The following MACF1 variants were observed in gnomAD, a reference collection of about 807,000 sequenced individuals.
MACF1 encodes the protein microtubule-actin cross-linking factor 1.
A neutral mutation model predicts 854.8 loss-of-function variants in MACF1; 193 were observed. The ratio of observed to expected loss-of-function variants is 0.23; its 90% CI spans 0.20 to 0.25. The LOEUF (loss-of-function observed/expected upper bound fraction) is 0.25. Ranked by LOEUF, MACF1 falls within the 10% of genes least tolerant of loss-of-function variation. The probability of loss-of-function intolerance (pLI) is 1.00; values close to 1 mark genes in which losing one functional copy is unlikely to be tolerated. For missense variants in MACF1, 7,722 were observed against 8,929.1 expected (o/e 0.86, Z 5.45); for synonymous variants, 3,185 against 3,226.7 (o/e 0.99, Z 0.44).
chr1:39,124,370 T>C (rs1342192067), intron 2 of MACF1, among the ~76,000 whole-genome samples: 2 of 152,120 alleles, frequency 1.3e-5, no homozygotes, highest in African/African-American at 2.4e-5. Context: ...GTTTCTCATA[T>C]GTGTAATAGG....
intron 15 of MACF1, among the ~76,000 whole-genome samples, chr1:39,288,089 T>C (rs1645682289): frequency 6.6e-6 from 1 of 152,226 alleles, no homozygotes; most frequent in Non-Finnish European, 1.5e-5. Context: ...GATATTTTGA[T>C]ACAGGCATGT....
intron 2 of MACF1, among the ~76,000 whole-genome samples, chr1:39,085,751 A>C (rs59102092): frequency 0.16 from 23,963 of 152,084 alleles, 2,054 homozygotes; most frequent in East Asian, 0.29. Context: ...TTGCCTGTGG[A>C]ATCAAGGCTT....
chr1:39,415,863 G>A (rs1294700362), intron 58 of MACF1, among the ~76,000 whole-genome samples: 1 of 152,174 alleles, frequency 6.6e-6, no homozygotes, highest in Admixed American at 6.5e-5. Flanking sequence ...TGAGTGAGAA[G>A]ATTGTTTTGA....
chr1:39,350,949 A>G lies in MACF1; in HGVS notation c.11130A>G (p.Glu3710=). The G allele has an allele frequency of 2.5e-6, 4 of 1,614,168 alleles. No individual in the cohort carries two copies. Among genetic ancestry groups the G allele is most frequent in the Non-Finnish European group, 3.4e-6 (4 of 1,179,998 alleles). The part of the protein sequence containing the change: ...QAKEQYEALQ[E]ETRVAQKELE... The stretch of plus-strand genomic sequence containing the variant: ...AGGAGCAATATGAGGCGCTCCAGGA[A>G]GAGACACGTGTGGCCCAGAAGGAAC... The change falls in exon 43 of 101, where the codon GAA becomes GAG. Residue 3710 remains glutamate, a synonymous_variant. Coordinates refer to ENST00000564288, the MANE Select transcript of MACF1 (RefSeq NM_001394062.1).
chr1:39,093,841 G>A (rs1641872453), intron 2 of MACF1, among the ~76,000 whole-genome samples: 1 of 151,710 alleles, frequency 6.6e-6, no homozygotes, highest in South Asian at 2.1e-4. Context: ...AGGCTGGAGT[G>A]CAGTGGTGTG....
chr1:39,275,152 C>T (rs1489787938), intron 6 of MACF1, among the ~76,000 whole-genome samples: 1 of 150,738 alleles, frequency 6.6e-6, no homozygotes, highest in Non-Finnish European at 1.5e-5. Flanking sequence ...GATCTCGGCT[C>T]GCTGCAAGTT....
rs770788461 is a variant in MACF1, at chr1:39,282,192, T to G, written c.529-16T>G. On this transcript the variant is annotated splice_polypyrimidine_tract_variant and intron_variant, in intron 6 of 100. Transcript: ENST00000564288. The stretch of plus-strand genomic sequence containing the variant: ...CTTATTTATAATGAATTATTCTGTG[T>G]CCCATCTTTTGGCAGATCTCTGACA... 6.2e-7 allele frequency: 1 copy of G among 1,612,456 alleles called. No homozygotes were observed. The highest frequency in any genetic ancestry group is 8.5e-7 in the Non-Finnish European group (1 of 1,178,964).
Position 39,451,181 on chromosome 1 carries a change from C to T in MACF1, c.20388C>T (p.Asp6796=), listed in dbSNP as rs1177553169. 3 of 1,613,952 alleles carry T rather than the reference C, an allele frequency of 1.9e-6. No homozygotes were observed. The highest frequency in any genetic ancestry group is 1.3e-5 in the African/African-American group (1 of 74,888). The change falls in exon 85 of 101, where the codon GAC becomes GAT. Residue 6796 remains aspartate, a synonymous_variant. Coordinates refer to ENST00000564288, the MANE Select transcript of MACF1 (RefSeq NM_001394062.1). ...ACCAGCCCGTGCACGGGGACCTTGA[C>T]CTCGTCATGAACCTCATGGATGCAC... The part of the protein sequence containing the change: ...AEDQPVHGDL[D]LVMNLMDAHK...
intron 56 of MACF1, among the ~76,000 whole-genome samples, chr1:39,384,651 A>C (rs1427358802): frequency 6.6e-6 from 1 of 152,258 alleles, no homozygotes; most frequent in Non-Finnish European, 1.5e-5. Flanking sequence ...TTGTCTAATT[A>C]TGCTATATTA....
chr1:39,452,059 C>A (rs939444862), intron 85 of MACF1, 97 bp from the exon 86 acceptor site: 2 of 1,098,878 alleles, frequency 1.8e-6, no homozygotes, highest in Admixed American at 2.3e-5. Context: ...ATAAAAGACA[C>A]ATGATTAGAA....
rs762648604 is a variant in MACF1, at chr1:39,434,384, T to C, written c.17566-30T>C. On this transcript the variant is annotated intron_variant, in intron 68 of 100. Transcript: ENST00000564288. Reference sequence around the variant, plus strand: ...TAAGAGTTTATAATAGTAATACTTATCCTTTTTTTTTTTTTTTTTGCTCAC... The same window carrying C: ...TAAGAGTTTATAATAGTAATACTTACCCTTTTTTTTTTTTTTTTTGCTCAC... 1.4e-5 allele frequency: 18 copies of C among 1,294,556 alleles called. 1 individual carries two copies. The highest frequency in any genetic ancestry group is 3.2e-5 in the African/African-American group (2 of 62,576). 80.2% of individuals were successfully genotyped at this position (1,294,556 alleles called of 1,614,324 possible).
At chr1:39,239,908 TTCCG>T (rs1371429147) in intron 2 of MACF1, among the ~76,000 whole-genome samples, 8 of 152,198 alleles carry the variant, frequency 5.3e-5, no homozygotes, top group East Asian at 3.8e-4. Context: ...CCTTCCTTCC[TTCCG>T]TCCGTCCGTC....
In MACF1 at chr1:39,105,476, G is replaced by C. The variant is rs931247722; in HGVS notation, c.220+21038G>C. 4.0e-6 allele frequency: 4 copies of C among 1,008,810 alleles called. No individual in the cohort carries two copies. The highest frequency in any genetic ancestry group is 4.7e-6 in the Non-Finnish European group (4 of 846,510). 62.5% of individuals were successfully genotyped at this position (1,008,810 alleles called of 1,614,324 possible). On this transcript the variant is annotated intron_variant, in intron 2 of 93. Transcript: ENST00000361689. The surrounding 1 kb of genome is among the most constrained non-coding windows in gnomAD (Gnocchi z 5.9). ...AGGAGCGGAGCGCGACTGCCGGGCC[G>C]GGCGAGGCGGGCGGACGGCGGAGAG...
chr1:39,462,090 T>C (rs1245151940), intron 93 of MACF1, 53 bp downstream of exon 93: 10 of 1,582,680 alleles, frequency 6.3e-6, no homozygotes, highest in East Asian at 2.3e-5. Flanking sequence ...GTTTGTAATA[T>C]CCTGAATTTG....
rs1033605524 is a variant in MACF1 at position 39,131,355 on chromosome 1, GTA to G, written c.220+46918_220+46919del. ...CAGTTTTATTATTTTTTTTTTTTTT[GTA>G]GAGACAGGGTCTCACTATGTTGCCA... On this transcript the variant is annotated intron_variant, in intron 2 of 93. Transcript: ENST00000361689. 2.8e-5 allele frequency among the ~76,000 whole-genome samples: 3 copies of G among 107,704 alleles called. No homozygotes were observed. In the Admixed American group the frequency reaches 3.0e-4, roughly 11 times the overall value. The allele number at this position is 107,704 out of a possible 152,430, so 70.7% of individuals were successfully genotyped here.
intron 14 of MACF1, 34 bp downstream of exon 14, chr1:39,285,792 T>C: frequency 6.2e-7 from 1 of 1,608,998 alleles, no homozygotes. Context: ...GAGGGCTTGC[T>C]TGCTTACTGC....
intron 1 of MACF1, among the ~76,000 whole-genome samples, chr1:39,230,977 G>A (rs994311466): frequency 5.9e-5 from 9 of 152,188 alleles, no homozygotes; most frequent in African/African-American, 2.4e-5. Flanking sequence ...GGCACGTGGT[G>A]ATTCTGTCTG....
intron 2 of MACF1, among the ~76,000 whole-genome samples, chr1:39,180,605 TA>T (rs1438014908): frequency 2.0e-5 from 3 of 152,160 alleles, no homozygotes; most frequent in African/African-American, 4.8e-5. Flanking sequence ...AACAGAGCGA[TA>T]CTCCACCTCA....
At position 39,452,150 on chromosome 1, in the gene MACF1, T is replaced by G. The variant is rs1557662351; in HGVS notation, c.20419-6T>G. On this transcript the variant is annotated splice_polypyrimidine_tract_variant and splice_region_variant and intron_variant, in intron 85 of 100. Transcript: ENST00000564288. ...AACAAACAAATTCTCCTATTTTCTT[T>G]TCTAGGTTTTCCAGAAGGAACTGGG... 1.3e-6 allele frequency: 2 copies of G among 1,583,086 alleles called. No individual in the cohort carries two copies. Among genetic ancestry groups the G allele is most frequent in the Admixed American group, 1.9e-5 (1 of 53,554 alleles).
Sources: gnomAD v4.1 joint callset for allele counts (sites outside exome capture counted in the v4.1 genomes callset) on GRCh38, gnomAD v4.1.1 for gene constraint, Gnocchi (gnomAD v3.1) non-coding constraint, MANE v1.5 for transcripts, NCBI Gene and HGNC (gene_info 2026-07-23, HGNC 2026-07-21) for gene names.